The following CDC45 variants were observed in gnomAD, a reference collection of about 807,000 sequenced individuals.
CDC45 encodes the protein cell division cycle 45.
A neutral mutation model predicts 77.8 loss-of-function variants in CDC45; 54 were observed. The observed-to-expected ratio is 0.69, with a 90% CI of 0.56 to 0.87. The LOEUF (loss-of-function observed/expected upper bound fraction) is 0.87. Ranked by LOEUF, CDC45 falls within the 40% of genes least tolerant of loss-of-function variation. The pLI, the probability that CDC45 is intolerant of heterozygous loss-of-function variation, is 0.00. For missense variants in CDC45, 649 were observed against 721.6 expected, an observed-to-expected ratio of 0.90 and a Z score of 1.15; for synonymous variants, 260 against 272.1, an observed-to-expected ratio of 0.96 and a Z score of 0.44.
chr22:19,483,221 A>G (rs921627456), intron 4 of CDC45, among the ~76,000 whole-genome samples: 4 of 152,202 alleles, frequency 2.6e-5, no homozygotes, highest in African/African-American at 9.6e-5. Flanking sequence ...TTACGAGGTC[A>G]GAAGATTGAG....
upstream of CDC45, chr22:19,479,881 C>A: frequency 1.5e-6 from 2 of 1,345,414 alleles, no homozygotes; most frequent in Non-Finnish European, 2.1e-6. Context: ...CTGGACCAAT[C>A]GGAGGAGCCG....
In CDC45 at chr22:19,508,599, C is replaced by T. The variant is rs764222210; in HGVS notation, c.1125C>T (p.Asp375=). Residue 375 remains aspartate (D), a synonymous_variant, in exon 13 of 19, where the codon GAC becomes GAT. Coordinates refer to ENST00000263201, the MANE Select transcript of CDC45 (RefSeq NM_003504.5). The part of the protein sequence containing the change: ...FGFKHKFLAS[D]VVFATMSLME... Reference sequence around the variant, plus strand: ...TCAAGCACAAGTTTCTGGCCAGCGACGTGGTCTTTGCCACCATGTCTTTGA... The same window carrying T: ...TCAAGCACAAGTTTCTGGCCAGCGATGTGGTCTTTGCCACCATGTCTTTGA... 2.0e-5 allele frequency: 33 copies of T among 1,614,108 alleles called. No homozygotes were observed. Among genetic ancestry groups the T allele is most frequent in the Non-Finnish European group, 2.5e-5 (30 of 1,180,050 alleles).
At chr22:19,507,634 C>T in intron 11 of CDC45, 117 bp downstream of exon 11, 7 of 1,427,578 alleles carry the variant, frequency 4.9e-6, no homozygotes, top group East Asian at 2.3e-5. Flanking sequence ...CCATAAGCTC[C>T]TTGCCCTAGA....
At position 19,507,873 on chromosome 22, in the gene CDC45, A is replaced by C. The variant is rs1376766859; in HGVS notation, c.1055+9A>C. ...TCTGCAAATAAATTTGGGTAAACAC[A>C]CATTTTTCTGGATTTATCTTCATTA... On this transcript the variant is annotated intron_variant, in intron 12 of 18. Coordinates refer to ENST00000263201, the MANE Select transcript of CDC45 (RefSeq NM_003504.5). 3 of 1,564,650 alleles carry C rather than the reference A, an allele frequency of 1.9e-6. No individual in the cohort carries two copies. The highest frequency in any genetic ancestry group is 4.5e-5 in the East Asian group (2 of 44,552).
At chr22:19,513,301 T>C (rs977651943) in intron 13 of CDC45, among the ~76,000 whole-genome samples, 5 of 152,214 alleles carry the variant, frequency 3.3e-5, no homozygotes, top group African/African-American at 1.2e-4. Flanking sequence ...AAGATATAAA[T>C]TGTCTTATCT....
chr22:19,514,510 T>C (rs1568936020), intron 13 of CDC45, among the ~76,000 whole-genome samples: 1 of 152,210 alleles, frequency 6.6e-6, no homozygotes. Context: ...TGTTGGCTTT[T>C]AGTTTCCTGT....
At position 19,479,937 on chromosome 22, in the gene CDC45, G is replaced by A. The variant is rs2089945435; in HGVS notation, c.-32G>A. Reference sequence around the variant, plus strand: ...CCGCCGCCGGGCTCTTGGTACCTCAGCGCGAGCGCCAGGCGTCCGGCCGCC... The same window carrying A: ...CCGCCGCCGGGCTCTTGGTACCTCAACGCGAGCGCCAGGCGTCCGGCCGCC... On this transcript the variant is annotated 5_prime_UTR_variant, in exon 1 of 19. Transcript: ENST00000263201. 4 of 1,612,028 alleles carry A rather than the reference G, an allele frequency of 2.5e-6. No homozygotes were observed. In the South Asian group the frequency reaches 4.4e-5, roughly 18 times the overall value.
Position 19,494,509 on chromosome 22 carries a change from G to T in CDC45, c.542+127G>T. 6.4e-7 allele frequency: 1 copy of T among 1,552,610 alleles called. No individual in the cohort carries two copies. Among genetic ancestry groups the T allele is most frequent in the Non-Finnish European group, 8.7e-7 (1 of 1,147,330 alleles). Reference sequence around the variant, plus strand: ...TGAGTTTAGAACCTTTGGGCCAGTGGCTCTGGGAGTGAACCTGTGGCCGCT... The same window carrying T: ...TGAGTTTAGAACCTTTGGGCCAGTGTCTCTGGGAGTGAACCTGTGGCCGCT... On this transcript the variant is annotated intron_variant, in intron 6 of 18. Transcript: ENST00000263201.
intron 5 of CDC45, among the ~76,000 whole-genome samples, chr22:19,487,910 CAAAAAAAAA>C (rs11291499): frequency 2.9e-5 from 2 of 68,776 alleles, no homozygotes; most frequent in Admixed American, 1.8e-4. Context: ...GACTCCGTCT[CAAAAAAAAA>C]AAAAAAAAAA....
rs1020518186 is a variant in CDC45 at position 19,494,703 on chromosome 22, C to T, written c.542+321C>T. On this transcript the variant is annotated intron_variant, in intron 6 of 18. Transcript: ENST00000263201. ...TTACAAATTATTTATAAGAAGTGCT[C>T]TAAAATGAAAATATTGGAAAGGTTA... 2.8e-5 allele frequency: 25 copies of T among 882,454 alleles called. No individual in the cohort carries two copies. The African/African-American group carries it at 4.0e-4, about 14-fold the overall frequency. 54.7% of individuals were successfully genotyped at this position (882,454 alleles called of 1,614,324 possible).
rs1304020143 is a variant in CDC45, at chr22:19,505,362, A to T, written c.705A>T (p.Gln235His). 7 of 1,614,028 alleles carry T rather than the reference A, an allele frequency of 4.3e-6. No individual in the cohort carries two copies. The highest frequency in any genetic ancestry group is 2.2e-5 in the East Asian group (1 of 44,880). ...AGGCTTGTGCTACTTTTTTTTCCAGAATGAAATACGTGACTGATGTTGGTG... is the reference window on the plus strand; with the variant it reads ...AGGCTTGTGCTACTTTTTTTTCCAGTATGAAATACGTGACTGATGTTGGTG... ...TDQWVQDKIT[Q>H]MKYVTDVGVL... The change falls in exon 10 of 19, where the codon CAA becomes CAT. Residue 235 changes from glutamine (Q) to histidine (H), a missense_variant and splice_region_variant. By Grantham distance (24) the Gln-to-His change is conservative. Transcript: ENST00000263201.
intron 5 of CDC45, among the ~76,000 whole-genome samples, chr22:19,486,102 A>G (rs2090062784): frequency 1.3e-5 from 2 of 152,078 alleles, no homozygotes; most frequent in African/African-American, 4.8e-5. Flanking sequence ...GCTCCCTTCA[A>G]CCTCTGTCTT....
intron 8 of CDC45, among the ~76,000 whole-genome samples, chr22:19,497,814 G>A (rs979867990): frequency 2.0e-5 from 3 of 152,070 alleles, no homozygotes; most frequent in African/African-American, 7.2e-5. Context: ...CGTAATCCCA[G>A]TACTTTGGGA....
chr22:19,498,084 G>A (rs983215917), intron 8 of CDC45, among the ~76,000 whole-genome samples: 2 of 152,008 alleles, frequency 1.3e-5, no homozygotes, highest in African/African-American at 2.4e-5. Context: ...TGAGGTAGGA[G>A]AATCGCTTGA....
intron 13 of CDC45, among the ~76,000 whole-genome samples, chr22:19,509,017 C>CA: frequency 6.6e-6 from 1 of 152,032 alleles, no homozygotes; most frequent in East Asian, 1.9e-4. Flanking sequence ...TTATAGTTGT[C>CA]ATTTCTCAAT....
At chr22:19,495,114 AAAT>A (rs780566628) in intron 6 of CDC45, among the ~76,000 whole-genome samples, 3 of 152,348 alleles carry the variant, frequency 2.0e-5, no homozygotes, top group East Asian at 3.9e-4. Context: ...AGAAAAGTGA[AAAT>A]AATCCATAAT....
At chr22:19,498,181 T>C (rs1377432034) in intron 8 of CDC45, among the ~76,000 whole-genome samples, 1 of 151,984 alleles carries the variant, frequency 6.6e-6, no homozygotes, top group African/African-American at 2.4e-5. Context: ...TCTCAAAAAT[T>C]AGCCAGGTGT....
chr22:19,493,387 C>G (rs896136273), intron 5 of CDC45, among the ~76,000 whole-genome samples: 1 of 152,038 alleles, frequency 6.6e-6, no homozygotes, highest in South Asian at 2.1e-4. Context: ...GAGTCCCTAA[C>G]TGCTCTGCCT....
rs1402298530 is a variant in CDC45, at chr22:19,485,411, G to C, written c.486+1406G>C. 3.9e-5 allele frequency among the ~76,000 whole-genome samples: 6 copies of C among 152,320 alleles called. No individual in the cohort carries two copies. The South Asian group carries it at 1.0e-3, about 26-fold the overall frequency. On this transcript the variant is annotated intron_variant, in intron 5 of 18. Coordinates refer to ENST00000263201, the MANE Select transcript of CDC45 (RefSeq NM_003504.5). The stretch of plus-strand genomic sequence containing the variant: ...GAGCACAATTAGGGAAAGCTTTCAG[G>C]TATCAAACATGAGTTAGCAGGGGAT...
Sources: gnomAD v4.1 joint callset for allele counts (sites outside exome capture counted in the v4.1 genomes callset) on GRCh38, gnomAD v4.1.1 for gene constraint, MANE v1.5 for transcripts, NCBI Gene and HGNC (gene_info 2026-07-23, HGNC 2026-07-21) for gene names.